SHD: variants seen among roughly 807,000 people sequenced by gnomAD.
The protein encoded by SHD is SH2 domain-containing adapter protein D.
Under a neutral mutation model 31.2 loss-of-function variants are expected in SHD, and 29 were observed. The observed-to-expected ratio is 0.93, with a 90% CI of 0.69 to 1.27. The LOEUF (loss-of-function observed/expected upper bound fraction) is 1.27, where lower values mean the gene tolerates loss of function less well. SHD is among the 50% of genes most tolerant of loss of function. The pLI, the probability that SHD is intolerant of heterozygous loss-of-function variation, is 0.00. For missense variants in SHD, 520 were observed against 453.8 expected (o/e 1.15, Z -1.33); for synonymous variants, 208 against 187.8 (o/e 1.11, Z -0.88).
intron 3 of SHD, among the ~76,000 whole-genome samples, chr19:4,283,586 C>T (rs550644331): frequency 6.6e-6 from 1 of 151,424 alleles, no homozygotes; most frequent in Non-Finnish European, 1.5e-5. Flanking sequence ...ATTTTTCTTT[C>T]GTTTTTCTTC....
intron 3 of SHD, among the ~76,000 whole-genome samples, chr19:4,284,042 G>T (rs4806978): frequency 0.075 from 11,321 of 151,076 alleles, 929 homozygotes; most frequent in East Asian, 0.19. Context: ...GGTGGCTCAC[G>T]CCTGTAATCC....
chr19:4,280,531 T>C (rs1469580465), intron 1 of SHD, among the ~76,000 whole-genome samples, 171 bp downstream of exon 1: 2 of 152,086 alleles, frequency 1.3e-5, no homozygotes, highest in Non-Finnish European at 2.9e-5. Context: ...GTTCTTTTTA[T>C]GTATTTATTT....
Position 4,280,337 on chromosome 19 carries a change from C to A in SHD, c.274C>A (p.Leu92Ile). 1 of 1,584,030 alleles carries A rather than the reference C, an allele frequency of 6.3e-7. No individual in the cohort carries two copies. The highest frequency in any genetic ancestry group is 2.3e-5 in the East Asian group (1 of 43,090). Residue 92 changes from leucine (L) to isoleucine (I), a missense_variant, in exon 1 of 6, where the codon CTT becomes ATT. Coordinates refer to ENST00000543264, the MANE Select transcript of SHD (RefSeq NM_020209.4). ...EAADMARAKA[L>I]LGGPGEELEA... ...TGCGGATATGGCCAGAGCCAAGGCCCTTCTGGGCGGCCCCGGGGAGGAGGT... is the reference window on the plus strand; with the variant it reads ...TGCGGATATGGCCAGAGCCAAGGCCATTCTGGGCGGCCCCGGGGAGGAGGT...
chr19:4,281,102 A>G (rs1242380889), intron 1 of SHD, among the ~76,000 whole-genome samples: 1 of 152,014 alleles, frequency 6.6e-6, no homozygotes, highest in Non-Finnish European at 1.5e-5. Flanking sequence ...AGGCTCGCAG[A>G]ACGGTAGTGA....
Position 4,279,535 on chromosome 19 carries a change from T to A in SHD, c.-529T>A, listed in dbSNP as rs950182099. On this transcript the variant is annotated 5_prime_UTR_variant, in exon 1 of 6. Coordinates refer to ENST00000543264, the MANE Select transcript of SHD (RefSeq NM_020209.4). The surrounding 1 kb of genome is among the most constrained non-coding windows in gnomAD (Gnocchi z 7.5). ...GGGGTCACAGTCTCCGCGGCCCAAC[T>A]TTGCGCGCGGCGCCCGCGCCCCTGG... The A allele has an allele frequency of 6.6e-6, 1 of 152,448 alleles. No homozygotes were observed. Among genetic ancestry groups the A allele is most frequent in the African/African-American group, 2.4e-5 (1 of 41,460 alleles). The allele number at this position is 152,448 out of a possible 1,614,324, so 9.4% of individuals were successfully genotyped here.
intron 4 of SHD, 45 bp downstream of exon 4, chr19:4,284,949 T>G: frequency 6.7e-7 from 1 of 1,497,512 alleles, no homozygotes; most frequent in Non-Finnish European, 8.9e-7. Flanking sequence ...TGAACGTATC[T>G]GTAGACTCCA....
rs182603213 is a variant in SHD at position 4,282,865 on chromosome 19, C to G, written c.298-5C>G. The G allele has an allele frequency of 3.7e-6, 6 of 1,613,624 alleles. No homozygotes were observed. The highest frequency in any genetic ancestry group is 5.1e-6 in the Non-Finnish European group (6 of 1,179,702). ...CTTGTCTTCTCCCCTTCCTTCTCTC[C>G]GCAGCTGGAAGCCGACACTGAGTAT... is the stretch of plus-strand genomic sequence containing the variant. On this transcript the variant is annotated splice_region_variant and splice_polypyrimidine_tract_variant and intron_variant, in intron 1 of 5. Transcript: ENST00000543264.
chr19:4,284,597 C>G (rs1971289156), intron 3 of SHD, 184 bp from the exon 4 acceptor site: 6 of 568,508 alleles, frequency 1.1e-5, no homozygotes, highest in Non-Finnish European at 1.7e-5. Flanking sequence ...GCACCTATTT[C>G]TTAGGAAGGC....
At chr19:4,280,836 C>G (rs1265502613) in intron 1 of SHD, among the ~76,000 whole-genome samples, 1 of 151,924 alleles carries the variant, frequency 6.6e-6, no homozygotes, top group South Asian at 2.1e-4. Context: ...GGATATCTGT[C>G]CCTTTTCAAT....
At position 4,287,103 on chromosome 19, in the gene SHD, G is replaced by A. The variant is rs1238653119; in HGVS notation, c.717-1140G>A. 3.3e-5 allele frequency among the ~76,000 whole-genome samples: 5 copies of A among 152,196 alleles called. No homozygotes were observed. The South Asian group carries it at 1.0e-3, about 32-fold the overall frequency. On this transcript the variant is annotated intron_variant, in intron 4 of 5. Transcript: ENST00000543264. Reference sequence around the variant, plus strand: ...AATCCCAGCACTTTGGGAGGCCGAGGTGGGCGGATCACAAGGTTAGAGATT... The same window carrying A: ...AATCCCAGCACTTTGGGAGGCCGAGATGGGCGGATCACAAGGTTAGAGATT...
chr19:4,288,451 C>G (rs1298578018), intron 5 of SHD, 89 bp downstream of exon 5: 1 of 1,440,222 alleles, frequency 6.9e-7, no homozygotes, highest in Non-Finnish European at 9.3e-7. Context: ...GAGGGTGTGG[C>G]TCCCGCAGCC....
In SHD at chr19:4,283,125, C is replaced by A. The variant is rs760540049; in HGVS notation, c.475C>A (p.Pro159Thr). 6.2e-7 allele frequency: 1 copy of A among 1,614,112 alleles called. No individual in the cohort carries two copies. Among genetic ancestry groups the A allele is most frequent in the Admixed American group, 1.7e-5 (1 of 60,008 alleles). ...ACAGGACCCAGAGACAGCAGATGGACCCCCTTCTGGGCAGAAGCCTCGGCA... is the reference window on the plus strand; with the variant it reads ...ACAGGACCCAGAGACAGCAGATGGAACCCCTTCTGGGCAGAAGCCTCGGCA... ...EEQDPETADG[P>T]PSGQKPRQSR... is the part of the protein sequence containing the mutation. Residue 159 changes from proline (P) to threonine (T), a missense_variant, in exon 3 of 6, where the codon CCC (proline) becomes ACC (threonine). Coordinates refer to ENST00000543264, the MANE Select transcript of SHD (RefSeq NM_020209.4).
At chr19:4,286,250 TCTTTCTTTCTC>T (rs1466306369) in intron 4 of SHD, among the ~76,000 whole-genome samples, 3 of 113,552 alleles carry the variant, frequency 2.6e-5, no homozygotes, top group African/African-American at 3.6e-5. Context: ...TTTCTTTCTT[TCTTTCTTTCTC>T]TCTTTCTTTC....
At chr19:4,287,280 C>T (rs551386490) in intron 4 of SHD, among the ~76,000 whole-genome samples, 2 of 150,332 alleles carry the variant, frequency 1.3e-5, no homozygotes, top group South Asian at 4.2e-4. Context: ...TACAGTGAGC[C>T]GAGATCGTGC....
chr19:4,285,287 C>T (rs1971297404), intron 4 of SHD, among the ~76,000 whole-genome samples: 1 of 152,186 alleles, frequency 6.6e-6, no homozygotes, highest in Non-Finnish European at 1.5e-5. Flanking sequence ...AGAAATCATT[C>T]TCAGCCAGTT....
Position 4,281,813 on chromosome 19 carries a change from G to A in SHD, c.298-1057G>A, listed in dbSNP as rs574223895. On this transcript the variant is annotated intron_variant, in intron 1 of 5. Coordinates refer to ENST00000543264, the MANE Select transcript of SHD (RefSeq NM_020209.4). ...TGGTAAGAAGAGCCAGGGACTCGAG[G>A]AAACCAGTCAGCCGGGATCAGACTC... is the stretch of plus-strand genomic sequence containing the variant. Among the ~76,000 whole-genome samples, 4 of 152,250 alleles carry A rather than the reference G, an allele frequency of 2.6e-5. No homozygotes were observed. The East Asian group carries it at 7.7e-4, about 29-fold the overall frequency.
At chr19:4,285,367 C>T (rs977535836) in intron 4 of SHD, among the ~76,000 whole-genome samples, 2 of 152,076 alleles carry the variant, frequency 1.3e-5, no homozygotes, top group African/African-American at 4.8e-5. Flanking sequence ...TGGGGTGGCA[C>T]GTGAGCCGGG....
At chr19:4,286,750 C>G (rs543088835) in intron 4 of SHD, among the ~76,000 whole-genome samples, 6 of 151,512 alleles carry the variant, frequency 4.0e-5, no homozygotes, top group Admixed American at 4.0e-4. Context: ...CATGGTGGTG[C>G]GTGCCTGTAA....
At chr19:4,288,469 A>G (rs1971343781) in intron 5 of SHD, 107 bp downstream of exon 5, 1 of 1,184,088 alleles carries the variant, frequency 8.4e-7, no homozygotes, top group Non-Finnish European at 1.1e-6. Context: ...GCCATAGGGA[A>G]GGGCTTCCAG....
Sources: allele counts gnomAD v4.1 joint callset (sites outside exome capture counted in the v4.1 genomes callset), GRCh38; gene constraint gnomAD v4.1.1; non-coding constraint Gnocchi (gnomAD v3.1); transcripts MANE v1.5; gene names NCBI Gene and HGNC (gene_info 2026-07-23, HGNC 2026-07-21).